Variants in SGCZ observed in about 807,000 individuals in gnomAD.
SGCZ encodes sarcoglycan zeta.
In SGCZ, 40 loss-of-function variants were observed where a neutral mutation model predicts 41.3. The observed-to-expected ratio is 0.97, with a 90% CI of 0.75 to 1.26. The LOEUF is 1.26. SGCZ is among the 50% of genes most tolerant of loss of function. The probability of loss-of-function intolerance (pLI) is 0.00; values close to 1 mark genes in which losing one functional copy is unlikely to be tolerated. For missense variants in SGCZ, 552 were observed against 369.8 expected (o/e 1.49, Z -4.04); for synonymous variants, 206 against 137.5 (o/e 1.50, Z -3.49).
In SGCZ at chr8:14,792,172, T is replaced by C. The variant is rs543390505; in HGVS notation, c.40-237246A>G. Among the ~76,000 whole-genome samples the C allele has an allele frequency of 6.6e-4, 101 of 152,304 alleles. 1 individual carries two copies. Among genetic ancestry groups the C allele is most frequent in the Non-Finnish European group, 5.4e-4 (37 of 68,020 alleles). On this transcript the variant is annotated intron_variant, in intron 1 of 7. Transcript: ENST00000382080. ...GTGTGATAAATACACTTTTCATAGT[T>C]TAGTGCTACATTACCCATGAAGTGT...
chr8:15,039,948 G>A (rs966898581), intron 1 of SGCZ, among the ~76,000 whole-genome samples: 1 of 152,126 alleles, frequency 6.6e-6, no homozygotes, highest in African/African-American at 2.4e-5. Context: ...TAAAGTAGCA[G>A]GGAATTTATT....
rs150092009 is a variant in SGCZ, at chr8:14,158,457, G to A, written c.547+6123C>T. Among the ~76,000 whole-genome samples the A allele has an allele frequency of 5.7e-3, 865 of 152,144 alleles. 4 individuals carry two copies. The highest frequency in any genetic ancestry group is 9.2e-3 in the Non-Finnish European group (623 of 67,990). On this transcript the variant is annotated intron_variant, in intron 5 of 7. Transcript: ENST00000382080. ...CTAGATGGTGCCCACCTAGATTGAGGGTTAGTCTGCCTCTCCCAGTCCACC... is the reference window on the plus strand; with the variant it reads ...CTAGATGGTGCCCACCTAGATTGAGAGTTAGTCTGCCTCTCCCAGTCCACC...
In SGCZ at chr8:14,412,867, A is replaced by G. The variant is rs377154957; in HGVS notation, c.235-88663T>C. ...ACATTCTGAAACTTGATAGATATGG[A>G]TGCAAATAATAAATATTTGTCTGGT... is the stretch of plus-strand genomic sequence containing the variant. On this transcript the variant is annotated intron_variant, in intron 2 of 7. Coordinates refer to ENST00000382080, the MANE Select transcript of SGCZ (RefSeq NM_139167.4). 1.6e-4 allele frequency among the ~76,000 whole-genome samples: 25 copies of G among 152,172 alleles called. No homozygotes were observed. In the South Asian group the frequency reaches 5.0e-3, roughly 30 times the overall value.
chr8:14,493,149 T>C (rs1360835521), intron 2 of SGCZ, among the ~76,000 whole-genome samples: 1 of 152,000 alleles, frequency 6.6e-6, no homozygotes, highest in East Asian at 1.9e-4. Context: ...CCAAAGACTT[T>C]GCATTGGTAA....
intron 5 of SGCZ, among the ~76,000 whole-genome samples, chr8:14,136,925 G>T (rs1803217440): frequency 6.6e-6 from 1 of 152,188 alleles, no homozygotes; most frequent in South Asian, 2.1e-4. Context: ...TCATACAGCA[G>T]GTGCCCCTCT....
rs372649015 is a variant in SGCZ at position 15,143,559 on chromosome 8, T to C, written c.39+94026A>G. On this transcript the variant is annotated intron_variant, in intron 1 of 7. Transcript: ENST00000382080. ...AGTTAAGTACCATTTAGGTTTTATT[T>C]AAGTTACTTCTTTCTGAAAACCATG... 6.6e-5 allele frequency among the ~76,000 whole-genome samples: 10 copies of C among 152,236 alleles called. No individual in the cohort carries two copies. In the East Asian group the frequency reaches 1.3e-3, roughly 21 times the overall value.
chr8:14,337,174 G>T (rs1445038745), intron 2 of SGCZ, among the ~76,000 whole-genome samples: 1 of 152,100 alleles, frequency 6.6e-6, no homozygotes, highest in African/African-American at 2.4e-5. Context: ...CTGATTGATG[G>T]AAGACATGCA....
intron 3 of SGCZ, among the ~76,000 whole-genome samples, chr8:14,298,126 A>C (rs1801074514): frequency 6.6e-6 from 1 of 152,006 alleles, no homozygotes; most frequent in South Asian, 2.1e-4. Flanking sequence ...ATTTTAATAG[A>C]TACAGAAAGA....
At chr8:15,192,589 C>T (rs534261574) in intron 1 of SGCZ, among the ~76,000 whole-genome samples, 13 of 152,214 alleles carry the variant, frequency 8.5e-5, no homozygotes, top group African/African-American at 1.7e-4. Flanking sequence ...CAGCCACTAA[C>T]GACTAATCCA....
chr8:14,546,049 A>T (rs1803615352), intron 2 of SGCZ, among the ~76,000 whole-genome samples: 1 of 152,214 alleles, frequency 6.6e-6, no homozygotes, highest in Non-Finnish European at 1.5e-5. Context: ...GAAAGATTTC[A>T]TCTGAGAGGG....
At chr8:14,421,687 C>T (rs1799641122) in intron 2 of SGCZ, among the ~76,000 whole-genome samples, 1 of 152,138 alleles carries the variant, frequency 6.6e-6, no homozygotes, top group African/African-American at 2.4e-5. Flanking sequence ...GATGTAAGCA[C>T]AAGCCCTATC....
intron 1 of SGCZ, among the ~76,000 whole-genome samples, chr8:14,885,268 C>T (rs182093727): frequency 8.3e-4 from 127 of 152,194 alleles, no homozygotes; most frequent in Non-Finnish European, 1.5e-3. Flanking sequence ...TTCTCAGTAC[C>T]AGCACAGTGG....
intron 1 of SGCZ, among the ~76,000 whole-genome samples, chr8:14,642,159 A>C (rs903169013): frequency 6.6e-5 from 10 of 151,718 alleles, no homozygotes; most frequent in African/African-American, 9.7e-5. Flanking sequence ...GTCATGGCTA[A>C]TGAGACAACT....
Position 14,237,614 on chromosome 8 carries a change from C to T in SGCZ, c.402G>A (p.Gln134=). 3 of 1,613,952 alleles carry T rather than the reference C, an allele frequency of 1.9e-6. No individual in the cohort carries two copies. The highest frequency in any genetic ancestry group is 2.7e-5 in the African/African-American group (2 of 75,038). The change falls in exon 4 of 8, where the codon CAG becomes CAA. Residue 134 remains glutamine, a synonymous_variant. Coordinates refer to ENST00000382080, the MANE Select transcript of SGCZ (RefSeq NM_139167.4). ...VTVNARNHMG[Q]LTGQLTIGAD... ...CACCTATGGTCAGCTGTCCGGTTAACTGCCCCATGTGATTTCTTGCATTCA... is the reference window on the plus strand; with the variant it reads ...CACCTATGGTCAGCTGTCCGGTTAATTGCCCCATGTGATTTCTTGCATTCA...
intron 1 of SGCZ, among the ~76,000 whole-genome samples, chr8:14,616,963 T>G (rs1806125544): frequency 6.6e-6 from 1 of 152,162 alleles, no homozygotes; most frequent in Admixed American, 6.5e-5. Flanking sequence ...AATAGCCATT[T>G]CTTTTCTGAG....
At chr8:14,435,304 C>G (rs1420990038) in intron 2 of SGCZ, among the ~76,000 whole-genome samples, 10 of 152,104 alleles carry the variant, frequency 6.6e-5, no homozygotes, top group Non-Finnish European at 1.5e-5. Flanking sequence ...CTATTAAAAT[C>G]CCAATCATCA....
chr8:15,115,326 A>G (rs1320582272), intron 1 of SGCZ, among the ~76,000 whole-genome samples: 1 of 152,132 alleles, frequency 6.6e-6, no homozygotes, highest in Non-Finnish European at 1.5e-5. Context: ...AATTTGCTAG[A>G]AGTAGTAATG....
intron 1 of SGCZ, among the ~76,000 whole-genome samples, chr8:14,756,250 A>G (rs1352777780): frequency 6.9e-6 from 1 of 145,802 alleles, no homozygotes; most frequent in East Asian, 2.0e-4. Flanking sequence ...CAATGGAACT[A>G]TATTGGCTCA....
intron 2 of SGCZ, among the ~76,000 whole-genome samples, chr8:14,413,830 T>C (rs747504021): frequency 6.6e-6 from 1 of 151,920 alleles, no homozygotes; most frequent in African/African-American, 2.4e-5. Flanking sequence ...AGATAGAACA[T>C]AAATCCTAGG....
Sources: gnomAD v4.1 joint callset for allele counts (sites outside exome capture counted in the v4.1 genomes callset) on GRCh38, gnomAD v4.1.1 for gene constraint, MANE v1.5 for transcripts, NCBI Gene and HGNC (gene_info 2026-07-23, HGNC 2026-07-21) for gene names.